NBAS: variants seen among roughly 807,000 people sequenced by gnomAD.
NBAS encodes NBAS subunit of NRZ tethering complex.
In NBAS, 219 loss-of-function variants were observed where a neutral mutation model predicts 302.5. That is an observed-to-expected ratio of 0.72 (90% CI 0.65 to 0.81). The LOEUF is 0.81. NBAS is among the 30% of genes least tolerant of loss of function. NBAS has a pLI of 0.00. For missense variants in NBAS, 2,932 were observed against 2,841.6 expected, an observed-to-expected ratio of 1.03 and a Z score of -0.72; for synonymous variants, 1,118 against 1,021.6, an observed-to-expected ratio of 1.09 and a Z score of -1.80.
chr2:14,870,567 C>A, the NBAS span, among the ~76,000 whole-genome samples: 1 of 151,896 alleles, frequency 6.6e-6, no homozygotes, highest in Non-Finnish European at 1.5e-5. Flanking sequence ...TAGGTCCTAG[C>A]TAGCAAAGCT....
the NBAS span, among the ~76,000 whole-genome samples, chr2:15,075,175 G>T: frequency 6.6e-6 from 1 of 152,178 alleles, no homozygotes; most frequent in African/African-American, 2.4e-5. Flanking sequence ...TTTGGTAAGT[G>T]ATGAGATGAA....
rs1679767922 is a variant in NBAS, at chr2:15,467,371, T to A, written c.2055A>T (p.Arg685Ser). Residue 685 changes from arginine to serine, a missense_variant, in exon 19 of 52, where the codon AGA becomes AGT. Physicochemically the swap from Arg to Ser is moderately radical, Grantham distance 110. Coordinates refer to ENST00000281513, the MANE Select transcript of NBAS (RefSeq NM_015909.4). ...TLEQKELCRC[R>S]RKLLTYLDRL... is the part of the protein sequence containing the mutation. Reference sequence around the variant, plus strand: ...GATCTAAGTAGGTTAATAACTTCCGTCTACAACGGCAAAGTTCCTTTTGTT... The same window carrying A: ...GATCTAAGTAGGTTAATAACTTCCGACTACAACGGCAAAGTTCCTTTTGTT... 6.2e-7 allele frequency: 1 copy of A among 1,613,666 alleles called. No individual in the cohort carries two copies. Among genetic ancestry groups the A allele is most frequent in the Non-Finnish European group, 8.5e-7 (1 of 1,179,712 alleles).
chr2:15,394,067 G>A lies in NBAS; in HGVS notation c.3257+160C>T, dbSNP rs190873091. On this transcript the variant is annotated intron_variant, in intron 28 of 51. Coordinates refer to ENST00000281513, the MANE Select transcript of NBAS (RefSeq NM_015909.4). ...CTTAATCATAATGATGGTTTCCCATGGCTATACACACATATCAAAACTTAT... is the reference window on the plus strand; with the variant it reads ...CTTAATCATAATGATGGTTTCCCATAGCTATACACACATATCAAAACTTAT... Among the ~76,000 whole-genome samples the A allele has an allele frequency of 4.6e-5, 7 of 152,070 alleles. No individual in the cohort carries two copies. In the East Asian group the frequency reaches 1.3e-3, roughly 29 times the overall value.
At chr2:15,169,159 C>T (rs1664172912) in intron 51 of NBAS, among the ~76,000 whole-genome samples, 1 of 152,200 alleles carries the variant, frequency 6.6e-6, no homozygotes, top group Non-Finnish European at 1.5e-5. Context: ...ACAGAAGACC[C>T]TCTCTGCAAA....
the NBAS span, among the ~76,000 whole-genome samples, chr2:15,155,196 T>C: frequency 1.3e-5 from 2 of 152,184 alleles, no homozygotes; most frequent in Non-Finnish European, 2.9e-5. Context: ...CTTTTATCTA[T>C]ACATAAAGAT....
In NBAS at chr2:15,499,702, A is replaced by T. The variant is rs538735419; in HGVS notation, c.954+4443T>A. Among the ~76,000 whole-genome samples, 3 of 152,354 alleles carry T rather than the reference A, an allele frequency of 2.0e-5. No homozygotes were observed. In the South Asian group the frequency reaches 6.2e-4, roughly 32 times the overall value. On this transcript the variant is annotated intron_variant, in intron 11 of 51. Coordinates refer to ENST00000281513, the MANE Select transcript of NBAS (RefSeq NM_015909.4). ...TGGGTGACGAAATAATCTGTACAAC[A>T]AACCCTCATGACACAAGTTTACCTA...
intron 40 of NBAS, among the ~76,000 whole-genome samples, chr2:15,296,623 A>C (rs1186309831): frequency 6.6e-6 from 1 of 152,244 alleles, no homozygotes; most frequent in East Asian, 1.9e-4. Flanking sequence ...TTGAGGCCAG[A>C]AGTTTAAGAC....
chr2:15,077,665 T>G, the NBAS span, among the ~76,000 whole-genome samples: 28 of 151,234 alleles, frequency 1.9e-4, 1 homozygote, highest in South Asian at 5.6e-3. Context: ...GAAGGCTTCT[T>G]TCTTTTCTTT....
the NBAS span, among the ~76,000 whole-genome samples, chr2:14,850,205 G>A: frequency 3.7e-5 from 5 of 133,870 alleles, 1 homozygote; most frequent in Non-Finnish European, 7.6e-5. Flanking sequence ...AGAGACACAT[G>A]TAGGCTCAAA....
intron 4 of NBAS, 23 bp from the exon 5 acceptor site, chr2:15,553,496 G>A: frequency 3.1e-6 from 5 of 1,597,864 alleles, no homozygotes; most frequent in South Asian, 2.2e-5. Flanking sequence ...AGAAAGAGGG[G>A]GAAGAAAATC....
chr2:14,862,413 G>A, the NBAS span, among the ~76,000 whole-genome samples: 5 of 152,112 alleles, frequency 3.3e-5, no homozygotes, highest in East Asian at 1.9e-4. Flanking sequence ...CACTGCGCCC[G>A]GCCTATTTAA....
At chr2:15,414,476 G>C (rs1330172094) in intron 25 of NBAS, among the ~76,000 whole-genome samples, 1 of 152,148 alleles carries the variant, frequency 6.6e-6, no homozygotes, top group Non-Finnish European at 1.5e-5. Context: ...ACTATCTCTT[G>C]AAACAGTATA....
chr2:15,250,873 A>G (rs552685519), intron 44 of NBAS, among the ~76,000 whole-genome samples: 75 of 152,364 alleles, frequency 4.9e-4, no homozygotes, highest in Non-Finnish European at 9.3e-4. Flanking sequence ...AGTGTAAATT[A>G]GTTCGACCAT....
intron 11 of NBAS, among the ~76,000 whole-genome samples, chr2:15,495,869 C>T (rs1160392111): frequency 6.6e-6 from 1 of 152,182 alleles, no homozygotes; most frequent in Non-Finnish European, 1.5e-5. Context: ...CCTTGGAAAA[C>T]TATCTGACAA....
At chr2:15,397,421 A>T in intron 26 of NBAS, 1 of 376,916 alleles carries the variant, frequency 2.7e-6, no homozygotes, top group East Asian at 7.2e-5. Context: ...TGCATTATTT[A>T]AGGACTTAGC....
chr2:15,182,624 G>C (rs1030544412), intron 50 of NBAS, among the ~76,000 whole-genome samples: 10 of 152,168 alleles, frequency 6.6e-5, no homozygotes, highest in African/African-American at 1.2e-4. Flanking sequence ...CAAATAGCGG[G>C]ACCTCGGAAT....
chr2:15,211,869 CT>C (rs1312129526), intron 48 of NBAS, among the ~76,000 whole-genome samples: 1 of 152,160 alleles, frequency 6.6e-6, no homozygotes, highest in African/African-American at 2.4e-5. Context: ...AGAAAGGATG[CT>C]TGTGTGAAGG....
chr2:15,467,758 C>G lies in NBAS; in HGVS notation c.1924G>C (p.Glu642Gln), dbSNP rs757003425. 22 of 1,599,450 alleles carry G rather than the reference C, an allele frequency of 1.4e-5. No homozygotes were observed. Among genetic ancestry groups the G allele is most frequent in the Non-Finnish European group, 1.8e-5 (21 of 1,166,994 alleles). The change falls in exon 18 of 52, where the codon GAG becomes CAG. Residue 642 changes from glutamate (E) to glutamine (Q), a missense_variant. Coordinates refer to ENST00000281513, the MANE Select transcript of NBAS (RefSeq NM_015909.4). The stretch of plus-strand genomic sequence containing the variant: ...GGCTCTTCATCAGGTGGTGAAAGCT[C>G]TTCATAGGAGATACTGTCAATGTCT... Reference protein sequence around the residue: ...EIDIDSISYEELSPPDEEPAK... With the variant: ...EIDIDSISYEQLSPPDEEPAK...
intron 11 of NBAS, among the ~76,000 whole-genome samples, chr2:15,491,315 CAG>C (rs1680844005): frequency 6.6e-6 from 1 of 152,224 alleles, no homozygotes; most frequent in Admixed American, 6.5e-5. Flanking sequence ...TCTCTGAAGA[CAG>C]AGTCACAGGG....
Sources: allele counts gnomAD v4.1 joint callset (sites outside exome capture counted in the v4.1 genomes callset), GRCh38; gene constraint gnomAD v4.1.1; transcripts MANE v1.5; gene names NCBI Gene and HGNC (gene_info 2026-07-23, HGNC 2026-07-21).